The following CADM2 variants were observed in gnomAD, a reference collection of about 807,000 sequenced individuals.
CADM2 encodes the protein cell adhesion molecule 2, also known as immunoglobulin superfamily member 4D.
Under a neutral mutation model 49.8 loss-of-function variants are expected in CADM2, and 12 were observed. That is an observed-to-expected ratio of 0.24 (90% confidence interval 0.15 to 0.39). The LOEUF (loss-of-function observed/expected upper bound fraction) is 0.39. CADM2 is among the 10% of genes least tolerant of loss of function. The pLI, the probability that CADM2 is intolerant of heterozygous loss-of-function variation, is 1.00. For missense variants in CADM2, 378 were observed against 492.3 expected (o/e 0.77, Z 2.20); for synonymous variants, 214 against 175.4 (o/e 1.22, Z -1.74).
intron 1 of CADM2, among the ~76,000 whole-genome samples, chr3:85,235,825 G>C (rs2042395552): frequency 6.6e-6 from 1 of 151,818 alleles, no homozygotes; most frequent in Non-Finnish European, 1.5e-5. Context: ...TAAACTATGT[G>C]GTTTGTAATT....
At chr3:85,846,858 T>C (rs1255132029) in intron 3 of CADM2, among the ~76,000 whole-genome samples, 3 of 152,160 alleles carry the variant, frequency 2.0e-5, no homozygotes, top group South Asian at 4.1e-4. Context: ...TAAGATACCA[T>C]GTCTAAATAA....
chr3:85,071,890 C>A (rs1038291883), intron 1 of CADM2, among the ~76,000 whole-genome samples: 1 of 151,568 alleles, frequency 6.6e-6, no homozygotes, highest in Non-Finnish European at 1.5e-5. Flanking sequence ...ACTCTACCAA[C>A]AAGGTCATTC....
At chr3:85,426,950 G>A (rs1338336827) in intron 1 of CADM2, among the ~76,000 whole-genome samples, 1 of 151,448 alleles carries the variant, frequency 6.6e-6, no homozygotes, top group Admixed American at 6.6e-5. Context: ...GTGTGATCTT[G>A]GCTCACTCTA....
chr3:85,632,844 G>A (rs2107526565), intron 1 of CADM2, among the ~76,000 whole-genome samples: 2 of 151,876 alleles, frequency 1.3e-5, no homozygotes, highest in Admixed American at 1.3e-4. Flanking sequence ...ATGTTGTCTG[G>A]AAATTTAATA....
intron 1 of CADM2, among the ~76,000 whole-genome samples, chr3:85,084,394 G>T (rs1326460014): frequency 6.6e-6 from 1 of 151,916 alleles, no homozygotes; most frequent in Non-Finnish European, 1.5e-5. Flanking sequence ...CTACTTTTAG[G>T]GTCTTTCAGA....
At position 85,790,969 on chromosome 3, in the gene CADM2, A is replaced by T. The variant is rs114182658; in HGVS notation, c.89-11078A>T. On this transcript the variant is annotated intron_variant, in intron 2 of 9. Coordinates refer to ENST00000383699, the MANE Select transcript of CADM2 (RefSeq NM_001167675.2). ...TGTTGTACTCTAAAAGGCAGGCTGAATTCAAATGGATGAGGTAGAATCAAA... is the reference window on the plus strand; with the variant it reads ...TGTTGTACTCTAAAAGGCAGGCTGATTTCAAATGGATGAGGTAGAATCAAA... Among the ~76,000 whole-genome samples the T allele has an allele frequency of 1.9e-3, 283 of 152,314 alleles. 1 individual carries two copies. Among genetic ancestry groups the T allele is most frequent in the African/African-American group, 6.2e-3 (257 of 41,572 alleles).
chr3:85,174,552 C>A (rs908598973), intron 1 of CADM2, among the ~76,000 whole-genome samples: 7 of 150,898 alleles, frequency 4.6e-5, no homozygotes, highest in African/African-American at 1.5e-4. Context: ...ATTTTAATTA[C>A]ACTCTTTTCA....
chr3:85,796,275 A>G lies in CADM2; in HGVS notation c.89-5772A>G, dbSNP rs542463464. Reference sequence around the variant, plus strand: ...GTTTTGAAACCATTTGGAGCTTCATATTTCTGAGCTCCTAATCTCTGGTAA... The same window carrying G: ...GTTTTGAAACCATTTGGAGCTTCATGTTTCTGAGCTCCTAATCTCTGGTAA... On this transcript the variant is annotated intron_variant, in intron 2 of 9. Coordinates refer to ENST00000383699, the MANE Select transcript of CADM2 (RefSeq NM_001167675.2). 7.2e-5 allele frequency among the ~76,000 whole-genome samples: 11 copies of G among 152,246 alleles called. No homozygotes were observed. In the South Asian group the frequency reaches 2.3e-3, roughly 32 times the overall value.
intron 1 of CADM2, among the ~76,000 whole-genome samples, chr3:85,599,435 C>A (rs999347047): frequency 6.6e-6 from 1 of 151,982 alleles, no homozygotes; most frequent in African/African-American, 2.4e-5. Flanking sequence ...CACAAGGTCA[C>A]ACAGCTGGTA....
Position 85,503,618 on chromosome 3 carries a change from A to G in CADM2, c.62-222904A>G, listed in dbSNP as rs139283229. ...ATAGTCAAATACTTATGAACTGTCA[A>G]CACCGTATTGTATATTTCCCTACAT... is the stretch of plus-strand genomic sequence containing the variant. On this transcript the variant is annotated intron_variant, in intron 1 of 9. Coordinates refer to ENST00000383699, the MANE Select transcript of CADM2 (RefSeq NM_001167675.2). Among the ~76,000 whole-genome samples the G allele has an allele frequency of 5.3e-5, 8 of 152,322 alleles. No homozygotes were observed. The East Asian group carries it at 1.5e-3, about 29-fold the overall frequency.
At chr3:85,181,791 T>C (rs1483572142) in intron 1 of CADM2, among the ~76,000 whole-genome samples, 1 of 151,028 alleles carries the variant, frequency 6.6e-6, no homozygotes, top group Non-Finnish European at 1.5e-5. Flanking sequence ...CTTATTGTTA[T>C]ATATCTCTCT....
intron 1 of CADM2, among the ~76,000 whole-genome samples, chr3:85,093,166 G>A (rs141701638): frequency 6.6e-6 from 1 of 152,216 alleles, no homozygotes; most frequent in African/African-American, 2.4e-5. Flanking sequence ...AACTAACAAT[G>A]TCACTGGTGC....
Position 86,067,444 on chromosome 3 carries a change from G to T in CADM2, c.*661G>T, listed in dbSNP as rs1205748116. 1 of 152,420 alleles carries T rather than the reference G, an allele frequency of 6.6e-6. No individual in the cohort carries two copies. Among genetic ancestry groups the T allele is most frequent in the Non-Finnish European group, 1.5e-5 (1 of 67,942 alleles). 9.4% of individuals were successfully genotyped at this position (152,420 alleles called of 1,614,324 possible). A position where few individuals can be genotyped will look rare whatever the true frequency, so the allele number is the denominator to read the frequency against. ...TGTGTACGAATTGCAATCATGACAT[G>T]GTATTTTCTATAATTATAGAGATCT... On this transcript the variant is annotated 3_prime_UTR_variant, in exon 10 of 10. Transcript: ENST00000383699.
chr3:85,584,551 C>T (rs929155185), intron 1 of CADM2, among the ~76,000 whole-genome samples: 12 of 152,012 alleles, frequency 7.9e-5, no homozygotes, highest in Non-Finnish European at 1.6e-4. Flanking sequence ...AAAGATGTGA[C>T]ATTTAAGTTG....
intron 1 of CADM2, among the ~76,000 whole-genome samples, chr3:85,062,949 G>T (rs1327974131): frequency 6.6e-6 from 1 of 151,770 alleles, no homozygotes; most frequent in East Asian, 1.9e-4. Flanking sequence ...TTGAATTGAG[G>T]CATCACTTAG....
At chr3:85,824,404 T>G (rs2073787047) in intron 3 of CADM2, among the ~76,000 whole-genome samples, 1 of 151,970 alleles carries the variant, frequency 6.6e-6, no homozygotes, top group Non-Finnish European at 1.5e-5. Context: ...GATAGAGATT[T>G]TTTTTTTAAG....
At chr3:85,540,824 G>C (rs1363366898) in intron 1 of CADM2, among the ~76,000 whole-genome samples, 1 of 152,118 alleles carries the variant, frequency 6.6e-6, no homozygotes, top group Admixed American at 6.5e-5. Flanking sequence ...TGTGTCAGCA[G>C]GTTTAGCTTC....
intron 2 of CADM2, among the ~76,000 whole-genome samples, chr3:85,734,629 C>A (rs973723002): frequency 7.5e-5 from 11 of 147,348 alleles, no homozygotes; most frequent in African/African-American, 2.5e-4. Flanking sequence ...ACATAACTCA[C>A]CATATCTCTC....
intron 1 of CADM2, among the ~76,000 whole-genome samples, chr3:85,356,772 T>C (rs999874500): frequency 2.0e-5 from 3 of 152,184 alleles, no homozygotes; most frequent in Non-Finnish European, 4.4e-5. Context: ...CTATTTCTAC[T>C]GTTTTATGAA....
Sources: allele counts gnomAD v4.1 joint callset (sites outside exome capture counted in the v4.1 genomes callset), GRCh38; gene constraint gnomAD v4.1.1; transcripts MANE v1.5; gene names NCBI Gene and HGNC (gene_info 2026-07-23, HGNC 2026-07-21).